Variants in CTNNA2 observed in about 807,000 individuals in gnomAD.
The protein encoded by CTNNA2 is catenin alpha-2.
Under a neutral mutation model 101.0 loss-of-function variants are expected in CTNNA2, and 42 were observed. The ratio of observed to expected loss-of-function variants is 0.42; its 90% CI spans 0.32 to 0.54. The LOEUF (loss-of-function observed/expected upper bound fraction) is 0.54. Among genes scored for constraint, CTNNA2 ranks in the 20% least tolerant of loss-of-function variants. The pLI is 0.14. For synonymous variants in CTNNA2, 450 were observed against 456.4 expected, an observed-to-expected ratio of 0.99 and a Z score of 0.18; for missense variants, 871 against 1,223.1, an observed-to-expected ratio of 0.71 and a Z score of 4.29.
At position 79,880,784 on chromosome 2, in the gene CTNNA2, AT is replaced by A. The variant is rs1286284859; in HGVS notation, c.852+6449del. 5.3e-5 allele frequency among the ~76,000 whole-genome samples: 8 copies of A among 151,524 alleles called. 1 individual carries two copies. Among genetic ancestry groups the A allele is most frequent in the Admixed American group, 1.3e-4 (2 of 15,192 alleles). On this transcript the variant is annotated intron_variant, in intron 6 of 18. Coordinates refer to ENST00000402739, the MANE Select transcript of CTNNA2 (RefSeq NM_001282597.3). ...AAAAAATTAGCTCCTGGATTCATTG[AT>A]TTTTTTGGAGGGTTTTTTGTGTCTC...
intron 7 of CTNNA2, among the ~76,000 whole-genome samples, chr2:79,974,289 C>T (rs1028917171): frequency 2.0e-5 from 3 of 152,022 alleles, no homozygotes; most frequent in South Asian, 4.2e-4. Flanking sequence ...AGCCCAATGC[C>T]CGTCGTGAAG....
intron 4 of CTNNA2, among the ~76,000 whole-genome samples, chr2:79,453,872 A>G (rs570933666): frequency 6.6e-6 from 1 of 152,312 alleles, no homozygotes; most frequent in East Asian, 1.9e-4. Context: ...AGGTAAGTAG[A>G]ATAGATATGA....
chr2:80,302,869 A>G lies in CTNNA2; in HGVS notation c.1057-90342A>G, dbSNP rs1484028987. On this transcript the variant is annotated intron_variant, in intron 7 of 18. Transcript: ENST00000402739. This position sits in a 1 kb window ranked among gnomAD's most constrained non-coding sequence, Gnocchi z 6.4. ...CTAGGGCACACACGTTGCGCCCGCA[A>G]TCCCACAGGTTCCCGGCCAGGGTGA... 1 of 1,614,154 alleles carries G rather than the reference A, an allele frequency of 6.2e-7. No individual in the cohort carries two copies.
intron 3 of CTNNA2, among the ~76,000 whole-genome samples, chr2:79,324,292 G>A (rs1323531242): frequency 2.0e-5 from 3 of 152,182 alleles, no homozygotes; most frequent in Non-Finnish European, 4.4e-5. Flanking sequence ...CAAGCAGGGT[G>A]TGGTTAGGTT....
At chr2:79,229,847 T>C (rs1674467135) in intron 2 of CTNNA2, among the ~76,000 whole-genome samples, 1 of 152,212 alleles carries the variant, frequency 6.6e-6, no homozygotes. Context: ...TGTTGGGAAC[T>C]GGAGCAAAGG....
At chr2:79,630,398 G>A (rs1472958510) in intron 1 of CTNNA2, among the ~76,000 whole-genome samples, 4 of 152,058 alleles carry the variant, frequency 2.6e-5, no homozygotes, top group Non-Finnish European at 5.9e-5. Context: ...GAATTGGGCA[G>A]GAAAATTAAA....
At chr2:79,791,622 A>C (rs778578496) in intron 3 of CTNNA2, among the ~76,000 whole-genome samples, 10 of 152,188 alleles carry the variant, frequency 6.6e-5, no homozygotes, top group African/African-American at 2.2e-4. Flanking sequence ...AGTGGAGAGA[A>C]GAAAATGGGG....
intron 9 of CTNNA2, among the ~76,000 whole-genome samples, chr2:80,459,373 A>C (rs1464684558): frequency 1.3e-5 from 2 of 152,194 alleles, no homozygotes; most frequent in African/African-American, 4.8e-5. Context: ...AGAAGACCAG[A>C]AGGACCACAG....
chr2:80,106,144 G>A (rs1164398947), intron 7 of CTNNA2, among the ~76,000 whole-genome samples: 1 of 152,172 alleles, frequency 6.6e-6, no homozygotes, highest in East Asian at 1.9e-4. Context: ...TGTAGAGGTG[G>A]CATATAGGCA....
chr2:79,615,538 A>G (rs544836271), intron 1 of CTNNA2, among the ~76,000 whole-genome samples: 4 of 152,306 alleles, frequency 2.6e-5, no homozygotes, highest in South Asian at 2.1e-4. Flanking sequence ...TAAATTATAC[A>G]TGGTTGTGTG....
chr2:79,648,429 A>G (rs1202550428), intron 1 of CTNNA2, among the ~76,000 whole-genome samples: 1 of 152,148 alleles, frequency 6.6e-6, no homozygotes, highest in Non-Finnish European at 1.5e-5. Flanking sequence ...TTCTGTTTTC[A>G]TGCAATTCCA....
chr2:79,918,716 A>G (rs1407682296), intron 7 of CTNNA2, among the ~76,000 whole-genome samples: 1 of 152,190 alleles, frequency 6.6e-6, no homozygotes, highest in Admixed American at 6.5e-5. Context: ...GGTACTTGGT[A>G]GAAGCAAATA....
intron 7 of CTNNA2, among the ~76,000 whole-genome samples, chr2:80,280,594 CT>C (rs1674300806): frequency 6.6e-6 from 1 of 152,026 alleles, no homozygotes; most frequent in African/African-American, 2.4e-5. Flanking sequence ...GCAAAGGACT[CT>C]CAGATAATCA....
At chr2:80,423,421 T>C (rs941699521) in intron 9 of CTNNA2, among the ~76,000 whole-genome samples, 14 of 152,342 alleles carry the variant, frequency 9.2e-5, no homozygotes, top group East Asian at 3.9e-4. Context: ...AACTTATATA[T>C]TGAGTTCAAT....
intron 4 of CTNNA2, among the ~76,000 whole-genome samples, chr2:79,433,373 G>T (rs1307467086): frequency 1.3e-5 from 2 of 152,146 alleles, no homozygotes; most frequent in African/African-American, 4.8e-5. Context: ...GATCTCAGGT[G>T]AGGACTCCCT....
At chr2:80,198,318 G>A (rs1358708609) in intron 7 of CTNNA2, among the ~76,000 whole-genome samples, 1 of 152,118 alleles carries the variant, frequency 6.6e-6, no homozygotes, top group East Asian at 1.9e-4. Context: ...ATAGGAACAT[G>A]GGACTACAGA....
intron 3 of CTNNA2, among the ~76,000 whole-genome samples, chr2:79,345,878 T>TTA (rs10676860): frequency 6.6e-6 from 1 of 150,442 alleles, no homozygotes; most frequent in East Asian, 2.0e-4. Context: ...TTTTTTTTTT[T>TTA]AATACAGATG....
chr2:80,357,070 C>G (rs926909137), intron 7 of CTNNA2, among the ~76,000 whole-genome samples: 1 of 152,050 alleles, frequency 6.6e-6, no homozygotes, highest in Non-Finnish European at 1.5e-5. Context: ...TCATATGCAC[C>G]CCTTGAGGAG....
At chr2:79,558,307 ATTATT>A (rs1286923434) in intron 1 of CTNNA2, among the ~76,000 whole-genome samples, 5 of 151,942 alleles carry the variant, frequency 3.3e-5, no homozygotes, top group African/African-American at 1.2e-4. Flanking sequence ...TTAATCAGCT[ATTATT>A]TTATATCAAT....
Sources: allele counts gnomAD v4.1 joint callset (sites outside exome capture counted in the v4.1 genomes callset), GRCh38; gene constraint gnomAD v4.1.1; non-coding constraint Gnocchi (gnomAD v3.1); transcripts MANE v1.5; gene names NCBI Gene and HGNC (gene_info 2026-07-23, HGNC 2026-07-21).